The following LPP variants were observed in gnomAD, a reference collection of about 807,000 sequenced individuals.
LPP encodes lipoma-preferred partner.
Under a neutral mutation model 60.4 loss-of-function variants are expected in LPP, and 38 were observed. The observed-to-expected ratio is 0.63, with a 90% CI of 0.49 to 0.83. The LOEUF is 0.83. Among genes scored for constraint, LPP ranks in the 40% least tolerant of loss-of-function variants. The pLI, the probability that LPP is intolerant of heterozygous loss-of-function variation, is 0.00. For missense variants in LPP, 902 were observed against 783.6 expected, an observed-to-expected ratio of 1.15 and a Z score of -1.80; for synonymous variants, 328 against 290.8, an observed-to-expected ratio of 1.13 and a Z score of -1.30.
chr3:188,636,351 G>A (rs1042220340), intron 7 of LPP, among the ~76,000 whole-genome samples: 1 of 152,174 alleles, frequency 6.6e-6, no homozygotes, highest in South Asian at 2.1e-4. Context: ...TTTCCGACGG[G>A]CTTAAAAAAC....
At position 188,881,449 on chromosome 3, in the gene LPP, G is replaced by A. The variant is rs35275980; in HGVS notation, c.*6970G>A. 0.038 allele frequency: 7,951 copies of A among 209,160 alleles called. 179 individuals carry two copies. Among genetic ancestry groups the A allele is most frequent in the Non-Finnish European group, 0.051 (5,178 of 102,526 alleles). 13.0% of individuals were successfully genotyped at this position (209,160 alleles called of 1,614,324 possible). A position where few individuals can be genotyped will look rare whatever the true frequency, so the allele number is the denominator to read the frequency against. ...TATTTTCTAATTTTCAGTGTACTCAGTGAAACTTGGCAGTTCACCATGAGT... is the reference window on the plus strand; with the variant it reads ...TATTTTCTAATTTTCAGTGTACTCAATGAAACTTGGCAGTTCACCATGAGT... On this transcript the variant is annotated 3_prime_UTR_variant, in exon 12 of 12. Coordinates refer to ENST00000617246, the MANE Select transcript of LPP (RefSeq NM_001375462.1).
chr3:188,503,656 T>G (rs992297161), intron 5 of LPP, among the ~76,000 whole-genome samples: 1 of 150,764 alleles, frequency 6.6e-6, no homozygotes, highest in African/African-American at 2.4e-5. Context: ...TTTTTTTTCA[T>G]GACTGGCATT....
intron 9 of LPP, among the ~76,000 whole-genome samples, chr3:188,778,977 G>A (rs1577491270): frequency 6.6e-6 from 1 of 152,240 alleles, no homozygotes; most frequent in East Asian, 1.9e-4. Flanking sequence ...GTGTAGAAAT[G>A]TATTGAATTT....
chr3:188,751,308 A>G (rs988476423), intron 8 of LPP, among the ~76,000 whole-genome samples: 14 of 152,218 alleles, frequency 9.2e-5, no homozygotes, highest in African/African-American at 2.9e-4. Flanking sequence ...GAGATCACGG[A>G]GCAGATTCAA....
intron 8 of LPP, among the ~76,000 whole-genome samples, chr3:188,733,426 T>C (rs955984446): frequency 6.6e-6 from 1 of 152,186 alleles, no homozygotes; most frequent in African/African-American, 2.4e-5. Context: ...ATTTATTTTC[T>C]ACATGCTATC....
chr3:188,735,729 A>G (rs565102516), intron 8 of LPP, among the ~76,000 whole-genome samples: 1 of 152,168 alleles, frequency 6.6e-6, no homozygotes, highest in Non-Finnish European at 1.5e-5. Flanking sequence ...AATGTCCCCA[A>G]AATATTTTCA....
intron 9 of LPP, among the ~76,000 whole-genome samples, chr3:188,763,020 T>C (rs1007973351): frequency 6.6e-6 from 1 of 152,140 alleles, no homozygotes; most frequent in African/African-American, 2.4e-5. Context: ...GTAAGGAGGT[T>C]GAGGAAATTG....
At chr3:188,534,062 C>T (rs1017014918) in intron 6 of LPP, among the ~76,000 whole-genome samples, 1 of 152,124 alleles carries the variant, frequency 6.6e-6, no homozygotes, top group African/African-American at 2.4e-5. Context: ...AAAGCTTTTG[C>T]CCAAAAATAT....
At chr3:188,428,572 G>A (rs1376672666) in intron 4 of LPP, among the ~76,000 whole-genome samples, 2 of 137,324 alleles carry the variant, frequency 1.5e-5, no homozygotes, top group African/African-American at 5.4e-5. Flanking sequence ...ATTGCTCTGG[G>A]ATGGGCACTA....
In LPP at chr3:188,749,303, G is replaced by C. The variant is rs567370458; in HGVS notation, c.1241-10810G>C. The stretch of plus-strand genomic sequence containing the variant: ...TACACTGAGAGCCCAAAGGCTCTCA[G>C]GTCTCATCTCTCCTGACAGCTTGCT... On this transcript the variant is annotated intron_variant, in intron 8 of 11. Coordinates refer to ENST00000617246, the MANE Select transcript of LPP (RefSeq NM_001375462.1). Among the ~76,000 whole-genome samples the C allele has an allele frequency of 3.9e-5, 6 of 152,248 alleles. No individual in the cohort carries two copies. The South Asian group carries it at 1.2e-3, about 32-fold the overall frequency.
At chr3:188,548,376 C>T (rs1441783083) in intron 6 of LPP, among the ~76,000 whole-genome samples, 1 of 152,150 alleles carries the variant, frequency 6.6e-6, no homozygotes. Flanking sequence ...TAGTCCACCT[C>T]AGGTCCCAAA....
chr3:188,365,577 CA>C (rs1235416407), intron 3 of LPP, among the ~76,000 whole-genome samples: 1 of 152,130 alleles, frequency 6.6e-6, no homozygotes, highest in Non-Finnish European at 1.5e-5. Context: ...GTTATTCGAG[CA>C]GCAGTCTTTG....
chr3:188,679,571 G>T (rs764522407), intron 7 of LPP, among the ~76,000 whole-genome samples: 3 of 150,482 alleles, frequency 2.0e-5, no homozygotes, highest in Non-Finnish European at 3.0e-5. Flanking sequence ...GTGCGCGCGC[G>T]CATGTTTAGT....
intron 7 of LPP, among the ~76,000 whole-genome samples, chr3:188,641,970 C>T (rs1850234812): frequency 6.6e-6 from 1 of 152,174 alleles, no homozygotes; most frequent in Non-Finnish European, 1.5e-5. Flanking sequence ...TCTTTCATTT[C>T]CCAAAGAAGG....
At chr3:188,361,772 T>C (rs1448652405) in intron 3 of LPP, among the ~76,000 whole-genome samples, 1 of 152,146 alleles carries the variant, frequency 6.6e-6, no homozygotes, top group African/African-American at 2.4e-5. Context: ...TTTGCCATGT[T>C]GGCCAGGCTG....
intron 5 of LPP, among the ~76,000 whole-genome samples, chr3:188,499,755 CATTT>C (rs1315713351): frequency 3.3e-5 from 5 of 152,020 alleles, no homozygotes; most frequent in South Asian, 4.1e-4. Flanking sequence ...AGATGTCTAC[CATTT>C]ATTTATGTCT....
chr3:188,462,585 TGC>T (rs1206258999), intron 4 of LPP, among the ~76,000 whole-genome samples: 1,649 of 21,506 alleles, frequency 0.077, 12 homozygotes, highest in South Asian at 0.1. Context: ...TATATATATA[TGC>T]ATGTGTGTGT....
intron 9 of LPP, among the ~76,000 whole-genome samples, chr3:188,851,342 A>T (rs975430951): frequency 6.6e-6 from 1 of 152,242 alleles, no homozygotes; most frequent in African/African-American, 2.4e-5. Flanking sequence ...CTGTCTTTTC[A>T]TGTCTAGAGA....
At chr3:188,780,279 C>G (rs1347761505) in intron 9 of LPP, among the ~76,000 whole-genome samples, 1 of 152,132 alleles carries the variant, frequency 6.6e-6, no homozygotes, top group African/African-American at 2.4e-5. Flanking sequence ...TTTCCAGGAG[C>G]TCTGAGAACA....
Sources: gnomAD v4.1 joint callset for allele counts (sites outside exome capture counted in the v4.1 genomes callset) on GRCh38, gnomAD v4.1.1 for gene constraint, MANE v1.5 for transcripts, NCBI Gene and HGNC (gene_info 2026-07-23, HGNC 2026-07-21) for gene names.